The following STAG1 variants were observed in gnomAD, a reference collection of about 807,000 sequenced individuals.
The protein encoded by STAG1 is STAG1 cohesin complex component.
STAG1 carries 26 observed loss-of-function variants against 170.9 expected under a neutral mutation model. The observed-to-expected ratio is 0.15, with a 90% CI of 0.11 to 0.21. The LOEUF is 0.21. STAG1 is among the 10% of genes least tolerant of loss of function. The pLI is 1.00. For synonymous variants in STAG1, 514 were observed against 497.7 expected (o/e 1.03, Z -0.44); for missense variants, 964 against 1,509.5 (o/e 0.64, Z 5.99).
intron 22 of STAG1, among the ~76,000 whole-genome samples, chr3:136,390,680 A>G (rs777226690): frequency 6.6e-6 from 1 of 152,194 alleles, no homozygotes; most frequent in Non-Finnish European, 1.5e-5. Context: ...AAGGATCACT[A>G]TTATTTCTCA....
chr3:136,384,927 A>ACC lies in STAG1; in HGVS notation c.2278-7176_2278-7175insGG, dbSNP rs1473474668. On this transcript the variant is annotated intron_variant, in intron 22 of 33. Coordinates refer to ENST00000383202, the MANE Select transcript of STAG1 (RefSeq NM_005862.3). ...CAGACTGTCATTTTAAGAAACTAGAATACATTGGAATTTTACTTCCACAAA... is the reference window on the plus strand; with the variant it reads ...CAGACTGTCATTTTAAGAAACTAGAACCTACATTGGAATTTTACTTCCACAAA... Among the ~76,000 whole-genome samples, 48 of 152,342 alleles carry ACC rather than the reference A, an allele frequency of 3.2e-4. No homozygotes were observed. In the East Asian group the frequency reaches 9.2e-3, roughly 29 times the overall value.
At chr3:136,737,560 C>G (rs1239284620) in intron 1 of STAG1, among the ~76,000 whole-genome samples, 3 of 152,184 alleles carry the variant, frequency 2.0e-5, no homozygotes, top group Non-Finnish European at 4.4e-5. Context: ...TTTATGTTCA[C>G]TTTTTCAACT....
chr3:136,632,500 C>T (rs746901520), intron 1 of STAG1, among the ~76,000 whole-genome samples: 14 of 152,076 alleles, frequency 9.2e-5, no homozygotes, highest in Non-Finnish European at 2.1e-4. Flanking sequence ...AAAATGATAG[C>T]TGTGCATTTT....
intron 1 of STAG1, among the ~76,000 whole-genome samples, chr3:136,661,495 T>C (rs113537907): frequency 4.6e-5 from 7 of 152,278 alleles, no homozygotes; most frequent in African/African-American, 1.4e-4. Context: ...AAAATAATAC[T>C]GCCTTCAGGC....
At chr3:136,712,793 T>TA (rs1052202419) in intron 1 of STAG1, among the ~76,000 whole-genome samples, 1 of 152,156 alleles carries the variant, frequency 6.6e-6, no homozygotes, top group Non-Finnish European at 1.5e-5. Context: ...ACATGTGCAT[T>TA]AAAAAACACA....
intron 2 of STAG1, among the ~76,000 whole-genome samples, chr3:136,629,528 CA>C (rs1425968072): frequency 1.3e-5 from 2 of 151,438 alleles, no homozygotes; most frequent in African/African-American, 4.9e-5. Flanking sequence ...TGCTCAGGTA[CA>C]GGGGTAAAAA....
chr3:136,681,000 T>G (rs1419072104), intron 1 of STAG1, among the ~76,000 whole-genome samples: 2 of 151,978 alleles, frequency 1.3e-5, no homozygotes, highest in African/African-American at 2.4e-5. Context: ...TTAAAATCAT[T>G]CTTGCAACCT....
chr3:136,389,898 C>G (rs2086963616), intron 22 of STAG1, among the ~76,000 whole-genome samples: 1 of 150,634 alleles, frequency 6.6e-6, no homozygotes, highest in Non-Finnish European at 1.5e-5. Flanking sequence ...GTGGCATGAT[C>G]TTGGCTCATT....
chr3:136,576,924 C>T (rs1019993693), intron 4 of STAG1, among the ~76,000 whole-genome samples: 3 of 152,004 alleles, frequency 2.0e-5, no homozygotes, highest in African/African-American at 7.3e-5. Context: ...GATTCGTTTG[C>T]TTTGGATTAA....
intron 2 of STAG1, among the ~76,000 whole-genome samples, chr3:136,627,460 T>A (rs1467092320): frequency 6.6e-6 from 1 of 152,196 alleles, no homozygotes. Context: ...GTTACATACA[T>A]GAGAATCTTC....
At chr3:136,626,038 G>A (rs1280824473) in intron 2 of STAG1, among the ~76,000 whole-genome samples, 2 of 152,016 alleles carry the variant, frequency 1.3e-5, no homozygotes, top group Non-Finnish European at 2.9e-5. Flanking sequence ...GGGCGAAAGA[G>A]TAGAACTCTG....
chr3:136,427,813 T>C lies in STAG1; in HGVS notation c.1651-4769A>G, dbSNP rs556216195. Among the ~76,000 whole-genome samples the C allele has an allele frequency of 2.6e-4, 39 of 152,286 alleles. 1 individual carries two copies. The South Asian group carries it at 7.5e-3, about 29-fold the overall frequency. ...TATAAAAAAGGCACACCTATACTCA[T>C]ATGATTTTAAAAAAGTGAAGTCATA... On this transcript the variant is annotated intron_variant, in intron 16 of 33. Coordinates refer to ENST00000383202, the MANE Select transcript of STAG1 (RefSeq NM_005862.3).
Position 136,539,000 on chromosome 3 carries a change from G to C in STAG1, c.471+3119C>G, listed in dbSNP as rs137958936. On this transcript the variant is annotated intron_variant, in intron 6 of 33. Coordinates refer to ENST00000383202, the MANE Select transcript of STAG1 (RefSeq NM_005862.3). Reference sequence around the variant, plus strand: ...ATACAAAAAATTAGCCCAGCGTAGCGGCAGGCGCCTGTAGTCCCAGCTACT... The same window carrying C: ...ATACAAAAAATTAGCCCAGCGTAGCCGCAGGCGCCTGTAGTCCCAGCTACT... Among the ~76,000 whole-genome samples the C allele has an allele frequency of 3.3e-5, 5 of 152,146 alleles. No homozygotes were observed. In the South Asian group the frequency reaches 1.0e-3, roughly 32 times the overall value.
At chr3:136,737,534 G>A (rs973736221) in intron 1 of STAG1, among the ~76,000 whole-genome samples, 3 of 152,206 alleles carry the variant, frequency 2.0e-5, no homozygotes, top group African/African-American at 7.2e-5. Context: ...CATCATGCCA[G>A]GCCTTGCCTC....
intron 1 of STAG1, among the ~76,000 whole-genome samples, chr3:136,661,387 A>G (rs1463020177): frequency 1.3e-5 from 2 of 152,228 alleles, no homozygotes; most frequent in Admixed American, 6.5e-5. Context: ...TTGAGAGCCT[A>G]TATGATGTCA....
intron 6 of STAG1, among the ~76,000 whole-genome samples, chr3:136,539,332 A>C (rs1935784818): frequency 6.6e-6 from 1 of 152,198 alleles, no homozygotes; most frequent in South Asian, 2.1e-4. Context: ...AAATGGATAA[A>C]TTTAGAGAAG....
intron 7 of STAG1, among the ~76,000 whole-genome samples, chr3:136,506,967 T>C (rs1933800332): frequency 6.6e-6 from 1 of 152,224 alleles, no homozygotes; most frequent in African/African-American, 2.4e-5. Flanking sequence ...ATGCTATCAT[T>C]TGTGCAAAAG....
intron 12 of STAG1, among the ~76,000 whole-genome samples, chr3:136,471,133 A>G (rs1484729407): frequency 6.9e-6 from 1 of 145,944 alleles, no homozygotes; most frequent in African/African-American, 2.5e-5. Context: ...AAAAAAAAAA[A>G]GAGGATCACC....
At chr3:136,657,189 CTTTTTTTTTT>C (rs67826395) in intron 1 of STAG1, among the ~76,000 whole-genome samples, 6 of 92,290 alleles carry the variant, frequency 6.5e-5, no homozygotes, top group East Asian at 7.5e-4. Flanking sequence ...TTCTTTCTTT[CTTTTTTTTTT>C]TTTTTTTTTT....
Sources: allele counts gnomAD v4.1 joint callset (sites outside exome capture counted in the v4.1 genomes callset), GRCh38; gene constraint gnomAD v4.1.1; transcripts MANE v1.5; gene names NCBI Gene and HGNC (gene_info 2026-07-23, HGNC 2026-07-21).